Variants in TFIP11 observed in about 807,000 individuals in gnomAD.
The protein encoded by TFIP11 is tuftelin interacting protein 11, also known as tuftelin-interacting protein 11.
Under a neutral mutation model 96.8 loss-of-function variants are expected in TFIP11, and 86 were observed. The observed-to-expected ratio is 0.89, with a 90% CI of 0.75 to 1.06. The LOEUF is 1.06. TFIP11 is among the 50% of genes least tolerant of loss of function. The pLI is 0.00. For synonymous variants in TFIP11, 405 were observed against 395.2 expected (o/e 1.02, Z -0.29); for missense variants, 881 against 1,076.7 (o/e 0.82, Z 2.54).
chr22:26,508,224 T>C (rs573429244), intron 4 of TFIP11, among the ~76,000 whole-genome samples: 4 of 152,292 alleles, frequency 2.6e-5, no homozygotes, highest in African/African-American at 9.6e-5. Flanking sequence ...TTCCTAAAAT[T>C]GTAATATAAC....
At chr22:26,503,880 T>C (rs1048101605) in intron 6 of TFIP11, 87 bp from the exon 7 acceptor site, 1 of 1,531,472 alleles carries the variant, frequency 6.5e-7, no homozygotes, top group Non-Finnish European at 8.9e-7. Context: ...AATGACAGTT[T>C]CTTGCTCCTT....
At chr22:26,497,135 T>C (rs1032893724) in intron 10 of TFIP11, among the ~76,000 whole-genome samples, 1 of 152,196 alleles carries the variant, frequency 6.6e-6, no homozygotes, top group African/African-American at 2.4e-5. Flanking sequence ...GCAGAGCTGC[T>C]TTAGGGTCAC....
chr22:26,492,852 A>G (rs1921390469), intron 14 of TFIP11: 1 of 164,860 alleles, frequency 6.1e-6, no homozygotes, highest in Admixed American at 5.5e-5. Context: ...TTAAAGGATA[A>G]TACCAAGACC....
At chr22:26,498,820 C>T (rs1194730141) in intron 10 of TFIP11, 49 bp downstream of exon 10, 1 of 1,479,242 alleles carries the variant, frequency 6.8e-7, no homozygotes, top group African/African-American at 1.4e-5. Context: ...TCCTTCCCAA[C>T]CCCCCAGGAG....
chr22:26,507,224 T>C (rs748769272), intron 4 of TFIP11, among the ~76,000 whole-genome samples: 1 of 152,182 alleles, frequency 6.6e-6, no homozygotes, highest in Non-Finnish European at 1.5e-5. Context: ...TTTTCCTACA[T>C]TTTAAAAAAT....
intron 8 of TFIP11, among the ~76,000 whole-genome samples, chr22:26,501,644 C>T (rs767180633): frequency 1.3e-5 from 2 of 150,606 alleles, no homozygotes; most frequent in African/African-American, 4.9e-5. Context: ...AGTGTAGTGC[C>T]GTGAAGAGTG....
At chr22:26,502,525 G>A (rs1602216283) in intron 7 of TFIP11, among the ~76,000 whole-genome samples, 1 of 152,164 alleles carries the variant, frequency 6.6e-6, no homozygotes, top group East Asian at 1.9e-4. Flanking sequence ...TAGAGGAGGA[G>A]CTAAGGCAAG....
chr22:26,510,131 C>A lies in TFIP11; in HGVS notation c.142G>T (p.Glu48Ter). ...TCTGCCCACACCCCGTAGGTGGCTT[C>A]TTCCTTGGTCTGCCAGTGGCGCTGT... ...NRQRHWQTKEEATYGVWAERD... is the reference protein window; with the variant it reads ...NRQRHWQTKE Residue 48 changes from glutamate to a stop codon, truncating the protein, a stop_gained, in exon 4 of 15, where the codon GAA becomes TAA. Coordinates refer to ENST00000407690, the MANE Select transcript of TFIP11 (RefSeq NM_012143.4). LOFTEE classifies it high-confidence loss of function. The A allele has an allele frequency of 6.2e-7, 1 of 1,614,204 alleles. No homozygotes were observed. Among genetic ancestry groups the A allele is most frequent in the Non-Finnish European group, 8.5e-7 (1 of 1,180,046 alleles).
In TFIP11 at chr22:26,494,141, A is replaced by G; in HGVS notation, c.2156T>C (p.Val719Ala). The part of the protein sequence containing the change: ...DIMNRAVSSN[V>A]GAYMQPGARE... The stretch of plus-strand genomic sequence containing the variant: ...CCAAAATGGGAATCCTCACTTACCA[A>G]CGTTGGAGGACACCGCCCGGTTCAT... The change falls in exon 14 of 15, where the codon GTT becomes GCT. Residue 719 changes from valine to alanine, a missense_variant and splice_region_variant. Physicochemically the swap from Val to Ala is moderately conservative, Grantham distance 64 (BLOSUM62 0). Coordinates refer to ENST00000407690, the MANE Select transcript of TFIP11 (RefSeq NM_012143.4). 1 of 1,613,564 alleles carries G rather than the reference A, an allele frequency of 6.2e-7. No individual in the cohort carries two copies. Among genetic ancestry groups the G allele is most frequent in the Middle Eastern group, 1.7e-4 (1 of 6,060 alleles).
intron 8 of TFIP11, 90 bp downstream of exon 8, chr22:26,501,807 AGCC>A: frequency 3.7e-6 from 2 of 538,678 alleles, no homozygotes; most frequent in Non-Finnish European, 5.7e-6. Flanking sequence ...AAAAAAAAAA[AGCC>A]TAGCTAAAAG....
intron 4 of TFIP11, among the ~76,000 whole-genome samples, chr22:26,507,984 G>T (rs1255565046): frequency 3.9e-5 from 6 of 152,124 alleles, no homozygotes; most frequent in Non-Finnish European, 7.4e-5. Context: ...GCACACGCCT[G>T]TAATCCCACG....
chr22:26,500,599 T>A (rs1922656361), intron 8 of TFIP11, among the ~76,000 whole-genome samples: 1 of 152,132 alleles, frequency 6.6e-6, no homozygotes, highest in African/African-American at 2.4e-5. Flanking sequence ...AACAGAATGA[T>A]TCATCACCAC....
Position 26,491,411 on chromosome 22 carries a change from T to C in TFIP11, c.*602A>G, listed in dbSNP as rs1222301330. On this transcript the variant is annotated 3_prime_UTR_variant, in exon 15 of 15. Coordinates refer to ENST00000407690, the MANE Select transcript of TFIP11 (RefSeq NM_012143.4). ...AAAGTGGAAATTTATCCCAGAAGAG[T>C]GGGGATTACTGTGACTATCTGAAGT... The C allele has an allele frequency of 5.2e-6, 7 of 1,350,562 alleles. No individual in the cohort carries two copies. Among genetic ancestry groups the C allele is most frequent in the Non-Finnish European group, 7.3e-6 (7 of 961,760 alleles). The allele number at this position is 1,350,562 out of a possible 1,614,324, so 83.7% of individuals were successfully genotyped here. A position where few individuals can be genotyped will look rare whatever the true frequency, so the allele number is the denominator to read the frequency against.
intron 8 of TFIP11, among the ~76,000 whole-genome samples, chr22:26,500,878 C>CTTTTTTTTTTTTTTTTTTTTTTTT (rs397958538): frequency 9.8e-6 from 1 of 102,060 alleles, no homozygotes; most frequent in Non-Finnish European, 1.9e-5. Flanking sequence ...TAACGGAAAA[C>CTTTTTTTTTTTTTTTTTTTTTTTT]TTTTTTTTTT....
chr22:26,498,578 C>A, intron 10 of TFIP11: 1 of 221,766 alleles, frequency 4.5e-6, no homozygotes, highest in Non-Finnish European at 8.8e-6. Context: ...AAATTGGATT[C>A]AATGTATACT....
At position 26,499,119 on chromosome 22, in the gene TFIP11, C is replaced by A. The variant is rs1317335351; in HGVS notation, c.1314G>T (p.Glu438Asp). ...VYPLMKEYFKEWDPLKDCTYG... is the reference protein window; with the variant it reads ...VYPLMKEYFKDWDPLKDCTYG... ...AGCAACTCACTTTGAGGGGATCCCACTCCTTGAAGTACTCCTTCATGAGTG... is the reference window on the plus strand; with the variant it reads ...AGCAACTCACTTTGAGGGGATCCCAATCCTTGAAGTACTCCTTCATGAGTG... The change falls in exon 9 of 15, where the codon GAG becomes GAT. Residue 438 changes from glutamate (E) to aspartate (D), a missense_variant. By Grantham distance (45) the Glu-to-Asp change is conservative. Transcript: ENST00000407690. 2 of 1,589,170 alleles carry A rather than the reference C, an allele frequency of 1.3e-6. No individual in the cohort carries two copies. The highest frequency in any genetic ancestry group is 1.7e-5 in the Admixed American group (1 of 58,752).
chr22:26,506,557 G>A (rs1923435444), intron 5 of TFIP11, 98 bp from the exon 6 acceptor site: 3 of 1,458,324 alleles, frequency 2.1e-6, no homozygotes, highest in East Asian at 2.3e-5. Flanking sequence ...AAGTTATACA[G>A]CACTATGAAA....
In TFIP11 at chr22:26,510,152, G is replaced by A. The variant is rs1190304154; in HGVS notation, c.121C>T (p.Arg41Cys). 3.1e-6 allele frequency: 5 copies of A among 1,614,034 alleles called. No individual in the cohort carries two copies. The highest frequency in any genetic ancestry group is 1.3e-5 in the African/African-American group (1 of 74,920). The change falls in exon 4 of 15, where the codon CGC becomes TGC. Residue 41 changes from arginine to cysteine, a missense_variant. Coordinates refer to ENST00000407690, the MANE Select transcript of TFIP11 (RefSeq NM_012143.4). ...LQNEFNPNRQ[R>C]HWQTKEEATY... Reference sequence around the variant, plus strand: ...GCTTCTTCCTTGGTCTGCCAGTGGCGCTGTCGGTTGGGGTTGAACTCATTC... The same window carrying A: ...GCTTCTTCCTTGGTCTGCCAGTGGCACTGTCGGTTGGGGTTGAACTCATTC...
rs553829342 is a variant in TFIP11 at position 26,496,300 on chromosome 22, G to A, written c.1622C>T (p.Pro541Leu). 4 of 1,597,882 alleles carry A rather than the reference G, an allele frequency of 2.5e-6. No homozygotes were observed. Among genetic ancestry groups the A allele is most frequent in the African/African-American group, 1.3e-5 (1 of 74,630 alleles). Residue 541 changes from proline (P) to leucine (L), a missense_variant, in exon 12 of 15, where the codon CCG (proline) becomes CTG (leucine). Physicochemically the swap from Pro to Leu is moderately conservative, Grantham distance 98. Coordinates refer to ENST00000407690, the MANE Select transcript of TFIP11 (RefSeq NM_012143.4). ...GTGGATGGGAACAGTGTCTGTGAGCGGGTTCCAGTTTTCCACCTGCGAAGT... is the reference window on the plus strand; with the variant it reads ...GTGGATGGGAACAGTGTCTGTGAGCAGGTTCCAGTTTTCCACCTGCGAAGT... ...KLQKEVENWN[P>L]LTDTVPIHSW...
Sources: gnomAD v4.1 joint callset for allele counts (sites outside exome capture counted in the v4.1 genomes callset) on GRCh38, gnomAD v4.1.1 for gene constraint, MANE v1.5 for transcripts, NCBI Gene and HGNC (gene_info 2026-07-23, HGNC 2026-07-21) for gene names.